Variants in GRB14 observed in about 807,000 individuals in gnomAD.
GRB14 encodes growth factor receptor-bound protein 14.
Under a neutral mutation model 69.1 loss-of-function variants are expected in GRB14, and 38 were observed. That is an observed-to-expected ratio of 0.55 (90% CI 0.42 to 0.72). The LOEUF (loss-of-function observed/expected upper bound fraction) is 0.72, where lower values mean the gene tolerates loss of function less well. GRB14 is among the 30% of genes least tolerant of loss of function. The probability of loss-of-function intolerance (pLI) is 0.00; values close to 1 mark genes in which losing one functional copy is unlikely to be tolerated. For missense variants in GRB14, 666 were observed against 666.1 expected (o/e 1.00, Z 0.00); for synonymous variants, 247 against 241.3 (o/e 1.02, Z -0.22).
chr2:164,568,586 G>A (rs1012678390), intron 2 of GRB14: 12 of 417,414 alleles, frequency 2.9e-5, no homozygotes, highest in African/African-American at 1.1e-4. Context: ...ATCAAAGCCC[G>A]GAAAACCCCG....
At chr2:164,581,455 A>T (rs533339813) in intron 2 of GRB14, among the ~76,000 whole-genome samples, 50 of 152,308 alleles carry the variant, frequency 3.3e-4, no homozygotes, top group African/African-American at 1.0e-3. Context: ...AGAGAGAAAA[A>T]GAAAGGCAAA....
chr2:164,593,166 T>C (rs1689707169), intron 2 of GRB14, among the ~76,000 whole-genome samples: 1 of 152,168 alleles, frequency 6.6e-6, no homozygotes, highest in Non-Finnish European at 1.5e-5. Context: ...TACATGGGGA[T>C]GTATAAAAGA....
At chr2:164,516,766 T>C (rs1159304448) in intron 6 of GRB14, among the ~76,000 whole-genome samples, 1 of 152,056 alleles carries the variant, frequency 6.6e-6, no homozygotes, top group African/African-American at 2.4e-5. Context: ...CTTTAAAGAA[T>C]AAATCTCAGC....
chr2:164,523,709 C>T (rs1687695112), intron 5 of GRB14, among the ~76,000 whole-genome samples: 1 of 151,978 alleles, frequency 6.6e-6, no homozygotes, highest in African/African-American at 2.4e-5. Context: ...AGAGGTCACA[C>T]TAGAAAAAGA....
chr2:164,497,743 G>A (rs1290866750), intron 9 of GRB14, among the ~76,000 whole-genome samples: 1 of 152,044 alleles, frequency 6.6e-6, no homozygotes, highest in Middle Eastern at 3.2e-3. Context: ...TTGAAGAGTT[G>A]AATAAACAGA....
intron 2 of GRB14, among the ~76,000 whole-genome samples, chr2:164,581,537 A>G (rs139653300): frequency 6.6e-6 from 1 of 152,332 alleles, no homozygotes; most frequent in East Asian, 1.9e-4. Context: ...ATGCTGGACA[A>G]GAAAAGGAAA....
At position 164,527,176 on chromosome 2, in the gene GRB14, A is replaced by T. The variant is rs914625588; in HGVS notation, c.482-41T>A. 8.5e-5 allele frequency: 21 copies of T among 245,862 alleles called. No homozygotes were observed. The East Asian group carries it at 1.7e-3, about 20-fold the overall frequency. The allele number at this position is 245,862 out of a possible 1,614,324, so 15.2% of individuals were successfully genotyped here. On this transcript the variant is annotated intron_variant, in intron 3 of 13. Transcript: ENST00000263915. ...CAATGAGTATGTTGACAGATAGACAAATATATATATATATATATATATATA... is the reference window on the plus strand; with the variant it reads ...CAATGAGTATGTTGACAGATAGACATATATATATATATATATATATATATA...
intron 2 of GRB14, among the ~76,000 whole-genome samples, chr2:164,579,788 A>G (rs1689351373): frequency 6.6e-6 from 1 of 152,186 alleles, no homozygotes; most frequent in Admixed American, 6.5e-5. Context: ...GCCCATAGAA[A>G]AGGACCTCCA....
intron 2 of GRB14, among the ~76,000 whole-genome samples, chr2:164,559,337 T>C (rs1688762489): frequency 6.6e-6 from 1 of 152,136 alleles, no homozygotes; most frequent in Non-Finnish European, 1.5e-5. Flanking sequence ...CAGGTGGTAT[T>C]TGGTTACATG....
chr2:164,587,250 C>A (rs1200396072), intron 2 of GRB14, among the ~76,000 whole-genome samples: 1 of 152,234 alleles, frequency 6.6e-6, no homozygotes, highest in East Asian at 1.9e-4. Context: ...TCAATGTCTT[C>A]AAAGTTGACT....
At chr2:164,602,197 GA>G (rs1474063130) in intron 2 of GRB14, among the ~76,000 whole-genome samples, 4 of 151,484 alleles carry the variant, frequency 2.6e-5, no homozygotes, top group African/African-American at 9.7e-5. Context: ...GAAGGGAAGG[GA>G]GGGGAGGGGA....
intron 2 of GRB14, among the ~76,000 whole-genome samples, chr2:164,548,595 T>C (rs1256113409): frequency 6.6e-6 from 1 of 152,192 alleles, no homozygotes; most frequent in Non-Finnish European, 1.5e-5. Context: ...TGCTGGGTCA[T>C]ATATGGCAGT....
chr2:164,528,184 C>T (rs1046855243), intron 3 of GRB14, among the ~76,000 whole-genome samples: 2 of 152,026 alleles, frequency 1.3e-5, no homozygotes, highest in Admixed American at 6.6e-5. Flanking sequence ...AACGGAATCA[C>T]TGGGGTGAGT....
At chr2:164,525,370 A>G (rs1305654867) in intron 4 of GRB14, among the ~76,000 whole-genome samples, 2 of 152,068 alleles carry the variant, frequency 1.3e-5, no homozygotes, top group Non-Finnish European at 2.9e-5. Context: ...TTGCTCCCAC[A>G]TCTTATTCCT....
intron 2 of GRB14, among the ~76,000 whole-genome samples, chr2:164,608,584 A>C (rs62173876): frequency 7.1e-6 from 1 of 140,746 alleles, no homozygotes; most frequent in Non-Finnish European, 1.5e-5. Context: ...GGACAAATGG[A>C]AAAAAAGAAA....
At chr2:164,527,560 A>G (rs914658532) in intron 3 of GRB14, among the ~76,000 whole-genome samples, 3 of 151,942 alleles carry the variant, frequency 2.0e-5, no homozygotes, top group Non-Finnish European at 4.4e-5. Flanking sequence ...AATTCACCTC[A>G]TTAAGAGATG....
chr2:164,564,920 C>G lies in GRB14; in HGVS notation c.325-17104G>C, dbSNP rs149899037. Among the ~76,000 whole-genome samples, 12 of 152,250 alleles carry G rather than the reference C, an allele frequency of 7.9e-5. No individual in the cohort carries two copies. The East Asian group carries it at 2.3e-3, about 29-fold the overall frequency. On this transcript the variant is annotated intron_variant, in intron 2 of 13. Coordinates refer to ENST00000263915, the MANE Select transcript of GRB14 (RefSeq NM_004490.3). ...GTCCCAGCTACTGAGGAGGCTGAGG[C>G]AGGAGAATCGTTCGAACCCAGGAGG... is the stretch of plus-strand genomic sequence containing the variant.
At position 164,522,109 on chromosome 2, in the gene GRB14, C is replaced by A; in HGVS notation, c.687G>T (p.Leu229=). 6.4e-7 allele frequency: 1 copy of A among 1,569,056 alleles called. No individual in the cohort carries two copies. The highest frequency in any genetic ancestry group is 8.7e-7 in the Non-Finnish European group (1 of 1,152,804). The change falls in exon 6 of 14, where the codon CTG becomes CTT. Residue 229 remains leucine (L), a synonymous_variant. Transcript: ENST00000263915. ...GAATTTCAGGATATGTGCTTGAACT[C>A]AGAAACATCTGAAAGAAAATTTATA... is the stretch of plus-strand genomic sequence containing the variant. ...ISPTQILQMF[L]SSSTYPEIHG... is the part of the protein sequence containing the mutation.
chr2:164,563,117 C>A (rs1416684862), intron 2 of GRB14, among the ~76,000 whole-genome samples: 2 of 152,006 alleles, frequency 1.3e-5, no homozygotes, highest in African/African-American at 2.4e-5. Context: ...CTAAGACCAC[C>A]ATCCATGGCC....
Sources: allele counts gnomAD v4.1 joint callset (sites outside exome capture counted in the v4.1 genomes callset), GRCh38; gene constraint gnomAD v4.1.1; transcripts MANE v1.5; gene names NCBI Gene and HGNC (gene_info 2026-07-23, HGNC 2026-07-21).